Variants in GPR19 observed in about 807,000 individuals in gnomAD.
The protein encoded by GPR19 is probable G protein-coupled receptor 19.
A neutral mutation model predicts 28.5 loss-of-function variants in GPR19; 14 were observed. The observed-to-expected ratio is 0.49, with a 90% CI of 0.32 to 0.77. The LOEUF (loss-of-function observed/expected upper bound fraction) is 0.77. Ranked by LOEUF, GPR19 falls within the 30% of genes least tolerant of loss-of-function variation. The pLI, the probability that GPR19 is intolerant of heterozygous loss-of-function variation, is 0.03. For synonymous variants in GPR19, 173 were observed against 184.1 expected (o/e 0.94, Z 0.49); for missense variants, 409 against 504.1 (o/e 0.81, Z 1.81).
At chr12:12,689,177 A>C (rs1946141148) in intron 2 of GPR19, among the ~76,000 whole-genome samples, 1 of 152,116 alleles carries the variant, frequency 6.6e-6, no homozygotes, top group African/African-American at 2.4e-5. Context: ...ATCTTAAGAG[A>C]ATTCACTCAC....
At chr12:12,706,931 G>C in the GPR19 span, among the ~76,000 whole-genome samples, 1 of 152,192 alleles carries the variant, frequency 6.6e-6, no homozygotes, top group South Asian at 2.1e-4. Context: ...AGTGACAAAA[G>C]TTACCCGAAG....
At chr12:12,663,853 T>C (rs1313627507) in intron 3 of GPR19, among the ~76,000 whole-genome samples, 1 of 152,224 alleles carries the variant, frequency 6.6e-6, no homozygotes, top group Non-Finnish European at 1.5e-5. Context: ...CAAGGGGATG[T>C]GGCTCCAGCA....
intron 2 of GPR19, among the ~76,000 whole-genome samples, chr12:12,685,511 G>A (rs563192473): frequency 2.4e-3 from 364 of 152,240 alleles, no homozygotes; most frequent in Non-Finnish European, 4.2e-3. Flanking sequence ...TTGCCATGGT[G>A]CTAGGTAACT....
At chr12:12,698,398 C>T (rs562068043), upstream of GPR19, among the ~76,000 whole-genome samples, 2 of 152,158 alleles carry the variant, frequency 1.3e-5, no homozygotes, top group Admixed American at 1.3e-4. Context: ...TGTGATTACT[C>T]TGATACTGTA....
chr12:12,716,958 C>G, the GPR19 span: 1 of 985,296 alleles, frequency 1.0e-6, no homozygotes, highest in Non-Finnish European at 1.2e-6. Context: ...AGCGAGCTGC[C>G]GGCGACCTTC....
chr12:12,710,594 C>A, the GPR19 span, among the ~76,000 whole-genome samples: 1 of 152,156 alleles, frequency 6.6e-6, no homozygotes, highest in African/African-American at 2.4e-5. Flanking sequence ...GTTGCCCAGG[C>A]TGGAGTGCAG....
chr12:12,705,550 AT>A, the GPR19 span, among the ~76,000 whole-genome samples: 69 of 146,344 alleles, frequency 4.7e-4, no homozygotes, highest in Non-Finnish European at 3.6e-4. Context: ...CAGCATGGCA[AT>A]TTTTTTTTTT....
In GPR19 at chr12:12,661,113, T is replaced by G. The variant is rs752909031; in HGVS notation, c.*88A>C. ...AAAATAAAACATTTCCCTTGGAAAG[T>G]TGAGTGAAAACAAATATGTAAATAG... On this transcript the variant is annotated 3_prime_UTR_variant, in exon 4 of 4. Coordinates refer to ENST00000651487, the MANE Select transcript of GPR19 (RefSeq NM_006143.3). This position sits in a 1 kb window ranked among gnomAD's most constrained non-coding sequence, Gnocchi z 4.2. 36 of 891,306 alleles carry G rather than the reference T, an allele frequency of 4.0e-5. 1 individual carries two copies. Among genetic ancestry groups the G allele is most frequent in the Middle Eastern group, 3.0e-4 (1 of 3,292 alleles). 55.2% of individuals were successfully genotyped at this position (891,306 alleles called of 1,614,324 possible). A position where few individuals can be genotyped will look rare whatever the true frequency, so the allele number is the denominator to read the frequency against.
At chr12:12,716,419 G>A in the GPR19 span, among the ~76,000 whole-genome samples, 1 of 152,144 alleles carries the variant, frequency 6.6e-6, no homozygotes, top group Non-Finnish European at 1.5e-5. Context: ...CTCAGGTAGA[G>A]GAAACTGCTA....
the GPR19 span, chr12:12,716,808 T>C: frequency 1.1e-5 from 11 of 985,192 alleles, no homozygotes; most frequent in Non-Finnish European, 1.3e-5. Flanking sequence ...GCCCACTGCC[T>C]CCACCAGCCC....
intron 3 of GPR19, among the ~76,000 whole-genome samples, chr12:12,669,683 GT>G (rs904445288): frequency 2.2e-4 from 34 of 152,070 alleles, no homozygotes; most frequent in African/African-American, 6.5e-4. Context: ...TTGAAGTTTT[GT>G]TTTTTTCCCC....
chr12:12,689,655 C>T (rs1946155193), intron 2 of GPR19, among the ~76,000 whole-genome samples: 1 of 151,932 alleles, frequency 6.6e-6, no homozygotes, highest in Non-Finnish European at 1.5e-5. Context: ...CTTTGATATG[C>T]CTTCAAAGAA....
intron 3 of GPR19, among the ~76,000 whole-genome samples, chr12:12,668,733 C>T (rs1592255001): frequency 1.3e-5 from 2 of 150,748 alleles, no homozygotes; most frequent in African/African-American, 4.9e-5. Flanking sequence ...GCTGGACCTA[C>T]ATGGATACAT....
upstream of GPR19, among the ~76,000 whole-genome samples, chr12:12,699,891 A>G (rs1946306807): frequency 1.3e-5 from 2 of 152,242 alleles, no homozygotes; most frequent in Non-Finnish European, 2.9e-5. Context: ...CATAGTCACA[A>G]GATAGCTGCC....
At chr12:12,711,861 A>G in the GPR19 span, among the ~76,000 whole-genome samples, 8 of 152,132 alleles carry the variant, frequency 5.3e-5, no homozygotes, top group Non-Finnish European at 1.0e-4. Context: ...CCAGCTACCT[A>G]AGTAACCACC....
the GPR19 span, among the ~76,000 whole-genome samples, chr12:12,711,603 A>G: frequency 6.6e-6 from 1 of 152,206 alleles, no homozygotes; most frequent in Non-Finnish European, 1.5e-5. Flanking sequence ...GGGCAGTTGT[A>G]TGCTCAGTTA....
chr12:12,696,627 T>G (rs957593319), upstream of GPR19, among the ~76,000 whole-genome samples: 8 of 152,328 alleles, frequency 5.3e-5, no homozygotes, highest in East Asian at 1.5e-3. Flanking sequence ...GCTTTTCCGC[T>G]TTTCACTCTA....
Position 12,661,699 on chromosome 12 carries a change from AAT to A in GPR19, c.748_749del (p.Ile250LeufsTer52). On this transcript the variant is annotated frameshift_variant, in exon 4 of 4. Transcript: ENST00000651487. LOFTEE classifies it high-confidence loss of function. The surrounding 1 kb of genome is among the most constrained non-coding windows in gnomAD (Gnocchi z 4.2). ...TTCGGCCATCTGTGCCTATTCTCCA[AAT>A]ATATTTTATGACCTTTTGGTAAAAT... Reference protein sequence around the residue: ...ILFYQKVIKYIWRIGTDGRTV... With the variant: ...ILFYQKVIKYXWRIGTDGRTV... 6.2e-7 allele frequency: 1 copy of A among 1,614,214 alleles called. No individual in the cohort carries two copies. The highest frequency in any genetic ancestry group is 8.5e-7 in the Non-Finnish European group (1 of 1,180,030).
chr12:12,707,103 C>G, the GPR19 span, among the ~76,000 whole-genome samples: 1 of 152,178 alleles, frequency 6.6e-6, no homozygotes, highest in Non-Finnish European at 1.5e-5. Flanking sequence ...TTCCAGCTTA[C>G]TAGTTCCCTT....
Sources: gnomAD v4.1 joint callset for allele counts (sites outside exome capture counted in the v4.1 genomes callset) on GRCh38, gnomAD v4.1.1 for gene constraint, Gnocchi (gnomAD v3.1) non-coding constraint, MANE v1.5 for transcripts, NCBI Gene and HGNC (gene_info 2026-07-23, HGNC 2026-07-21) for gene names.